The following EFCAB5 variants were observed in gnomAD, a reference collection of about 807,000 sequenced individuals.
The protein encoded by EFCAB5 is EF-hand calcium-binding domain-containing protein 5.
EFCAB5 carries 131 observed loss-of-function variants against 167.9 expected under a neutral mutation model. The ratio of observed to expected loss-of-function variants is 0.78; its 90% CI spans 0.68 to 0.90. The LOEUF (loss-of-function observed/expected upper bound fraction) is 0.90. Among genes scored for constraint, EFCAB5 ranks in the 40% least tolerant of loss-of-function variants. The pLI is 0.00. For missense variants in EFCAB5, 1,663 were observed against 1,745.2 expected, an observed-to-expected ratio of 0.95 and a Z score of 0.84; for synonymous variants, 574 against 602.8, an observed-to-expected ratio of 0.95 and a Z score of 0.70.
intron 4 of EFCAB5, among the ~76,000 whole-genome samples, chr17:29,980,950 A>G (rs990194074): frequency 6.6e-6 from 1 of 152,148 alleles, no homozygotes; most frequent in Non-Finnish European, 1.5e-5. Flanking sequence ...GTCAGTCATT[A>G]AGTCCTGGTG....
At chr17:30,095,519 T>C (rs901827755) in intron 22 of EFCAB5, among the ~76,000 whole-genome samples, 1 of 152,198 alleles carries the variant, frequency 6.6e-6, no homozygotes, top group African/African-American at 2.4e-5. Flanking sequence ...TGGGAGATCC[T>C]TCCCTAATTG....
chr17:29,997,446 AAT>A (rs373923501), intron 6 of EFCAB5, among the ~76,000 whole-genome samples: 101 of 148,504 alleles, frequency 6.8e-4, no homozygotes, highest in Admixed American at 1.1e-3. Flanking sequence ...GGGCAAAATG[AAT>A]ATATATATAT....
intron 8 of EFCAB5, among the ~76,000 whole-genome samples, chr17:30,035,632 C>A (rs1282392620): frequency 6.6e-6 from 1 of 152,116 alleles, no homozygotes. Flanking sequence ...GAACAGTAAA[C>A]CGTGAAAATG....
intron 9 of EFCAB5, among the ~76,000 whole-genome samples, chr17:30,052,576 T>G (rs1429341929): frequency 6.6e-6 from 1 of 152,260 alleles, no homozygotes; most frequent in Admixed American, 6.5e-5. Flanking sequence ...TGCAATTTTA[T>G]GGCTTACCAC....
chr17:30,030,624 A>T (rs1237029661), intron 7 of EFCAB5, among the ~76,000 whole-genome samples: 1 of 151,792 alleles, frequency 6.6e-6, no homozygotes, highest in Non-Finnish European at 1.5e-5. Flanking sequence ...TTACAGGCGT[A>T]AGCCACTGCG....
At chr17:29,970,506 G>A (rs926178358) in intron 4 of EFCAB5, among the ~76,000 whole-genome samples, 1 of 151,428 alleles carries the variant, frequency 6.6e-6, no homozygotes, top group African/African-American at 2.4e-5. Context: ...AACCTTACAG[G>A]AATTTTTATT....
intron 4 of EFCAB5, among the ~76,000 whole-genome samples, chr17:29,991,593 T>G (rs1245845751): frequency 9.2e-5 from 14 of 152,268 alleles, no homozygotes; most frequent in Non-Finnish European, 2.1e-4. Context: ...TAAGCGGTTT[T>G]CTGCCCAGGG....
intron 14 of EFCAB5, chr17:30,065,511 A>C (rs887818803): frequency 1.3e-5 from 2 of 152,126 alleles, no homozygotes; most frequent in African/African-American, 2.4e-5. Flanking sequence ...AAATACAAAA[A>C]TTAGCTGGGT....
At chr17:30,057,919 AG>A (rs772480685) in intron 13 of EFCAB5, 29 bp downstream of exon 13, 1 of 1,583,070 alleles carries the variant, frequency 6.3e-7, no homozygotes, top group Non-Finnish European at 8.6e-7. Context: ...TAATGATACA[AG>A]TGAGGTCACT....
At chr17:29,933,080 A>T (rs1247133640) in intron 1 of EFCAB5, among the ~76,000 whole-genome samples, 1 of 152,234 alleles carries the variant, frequency 6.6e-6, no homozygotes, top group African/African-American at 2.4e-5. Flanking sequence ...TAAGAACAAG[A>T]CAAATGTTTA....
Position 30,053,591 on chromosome 17 carries a change from C to G in EFCAB5, c.1637C>G (p.Pro546Arg), listed in dbSNP as rs748667439. 3 of 1,613,818 alleles carry G rather than the reference C, an allele frequency of 1.9e-6. No homozygotes were observed. The highest frequency in any genetic ancestry group is 4.5e-5 in the East Asian group (2 of 44,876). The change falls in exon 10 of 23, where the codon CCA (proline) becomes CGA (arginine). Residue 546 changes from proline (P) to arginine (R), a missense_variant. By Grantham distance (103) the Pro-to-Arg change is moderately radical. Transcript: ENST00000394835. ...CTGTACATAGAATCAGTAATAGAAC[C>G]AGGAACACACACAGAGTCAACTCTA... ...QELYIESVIE[P>R]GTHTESTLEQ... is the part of the protein sequence containing the mutation.
At chr17:30,075,527 G>T (rs1381101271) in intron 14 of EFCAB5, among the ~76,000 whole-genome samples, 1 of 152,010 alleles carries the variant, frequency 6.6e-6, no homozygotes, top group Non-Finnish European at 1.5e-5. Context: ...GACTTCCCAG[G>T]CCAGGCCATC....
intron 7 of EFCAB5, among the ~76,000 whole-genome samples, chr17:30,026,471 T>G (rs187799060): frequency 2.5e-4 from 38 of 152,340 alleles, no homozygotes; most frequent in Admixed American, 2.1e-3. Context: ...CATTTCATTA[T>G]CTAGTTGGTT....
chr17:30,059,787 G>A (rs1275392901), intron 14 of EFCAB5, 86 bp downstream of exon 14: 2 of 1,155,068 alleles, frequency 1.7e-6, no homozygotes, highest in Non-Finnish European at 2.3e-6. Flanking sequence ...TAAAATACTG[G>A]TTATGCTAAA....
intron 3 of EFCAB5, among the ~76,000 whole-genome samples, chr17:29,963,454 A>C (rs2067763320): frequency 6.6e-6 from 1 of 152,116 alleles, no homozygotes; most frequent in South Asian, 2.1e-4. Context: ...TTGATTTGTT[A>C]ATATTTTGTT....
chr17:30,054,320 A>G (rs1353508317), intron 10 of EFCAB5, among the ~76,000 whole-genome samples, 172 bp downstream of exon 10: 2 of 152,342 alleles, frequency 1.3e-5, no homozygotes, highest in African/African-American at 4.8e-5. Flanking sequence ...ACAATAATCA[A>G]TTAATTACAT....
At chr17:30,021,287 C>T (rs922773702) in intron 7 of EFCAB5, among the ~76,000 whole-genome samples, 5 of 148,498 alleles carry the variant, frequency 3.4e-5, no homozygotes, top group Admixed American at 2.0e-4. Flanking sequence ...CACCTTTACC[C>T]CATTTTCTCC....
chr17:29,993,374 G>A (rs1324796625), intron 5 of EFCAB5, 53 bp downstream of exon 5: 2 of 1,559,594 alleles, frequency 1.3e-6, no homozygotes, highest in East Asian at 2.3e-5. Context: ...TGGTAAAAGG[G>A]CAATTGCTAG....
chr17:30,069,383 G>C, intron 14 of EFCAB5: 1 of 1,556,576 alleles, frequency 6.4e-7, no homozygotes, highest in Non-Finnish European at 8.9e-7. Context: ...GTTTGATGAA[G>C]TGAGGCAGAT....
Sources: allele counts gnomAD v4.1 joint callset (sites outside exome capture counted in the v4.1 genomes callset), GRCh38; gene constraint gnomAD v4.1.1; transcripts MANE v1.5; gene names NCBI Gene and HGNC (gene_info 2026-07-23, HGNC 2026-07-21).